LRPPRC: variants seen among roughly 807,000 people sequenced by gnomAD.
LRPPRC encodes the protein leucine-rich PPR motif-containing protein, mitochondrial.
Under a neutral mutation model 180.3 loss-of-function variants are expected in LRPPRC, and 120 were observed. The observed-to-expected ratio is 0.67, with a 90% CI of 0.57 to 0.77. The LOEUF (loss-of-function observed/expected upper bound fraction) is 0.77, where lower values mean the gene tolerates loss of function less well. Ranked by LOEUF, LRPPRC falls within the 30% of genes least tolerant of loss-of-function variation. The pLI is 0.00. For missense variants in LRPPRC, 2,012 were observed against 1,657.2 expected, an observed-to-expected ratio of 1.21 and a Z score of -3.72; for synonymous variants, 723 against 600.0, an observed-to-expected ratio of 1.21 and a Z score of -3.00.
chr2:43,969,424 AG>A (rs1375413842), intron 11 of LRPPRC, among the ~76,000 whole-genome samples: 1 of 149,750 alleles, frequency 6.7e-6, no homozygotes, highest in Non-Finnish European at 1.5e-5. Context: ...AAAAAAAAAA[AG>A]AAACCAAGTC....
rs1166980943 is a variant in LRPPRC, at chr2:43,925,943, G to A, written c.2755C>T (p.Arg919Ter). 4 of 1,609,352 alleles carry A rather than the reference G, an allele frequency of 2.5e-6. No individual in the cohort carries two copies. The highest frequency in any genetic ancestry group is 1.3e-5 in the African/African-American group (1 of 74,790). ...KIIETPGIRA[R>*]SARLQWFCDR... ...CAAAACCACTGAAGCCTTGCAGATCGAGCTCTAATCCCTGGAGTCTGTAAA... is the reference window on the plus strand; with the variant it reads ...CAAAACCACTGAAGCCTTGCAGATCAAGCTCTAATCCCTGGAGTCTGTAAA... The change falls in exon 26 of 38, where the codon CGA (arginine) becomes TGA (stop). Residue 919 changes from arginine to a stop codon, truncating the protein, a stop_gained. Coordinates refer to ENST00000260665, the MANE Select transcript of LRPPRC (RefSeq NM_133259.4). LOFTEE classifies it high-confidence loss of function.
At chr2:43,915,261 C>T (rs1243415059) in intron 29 of LRPPRC, among the ~76,000 whole-genome samples, 1 of 147,012 alleles carries the variant, frequency 6.8e-6, no homozygotes, top group African/African-American at 2.6e-5. Flanking sequence ...CACACACACA[C>T]ACACACACAC....
chr2:43,897,928 C>T (rs545124766), intron 34 of LRPPRC, among the ~76,000 whole-genome samples: 2 of 151,678 alleles, frequency 1.3e-5, no homozygotes, highest in South Asian at 4.2e-4. Context: ...GCTTATTATA[C>T]CCCTAGTAGG....
chr2:43,952,405 T>A (rs1398879914), intron 14 of LRPPRC, among the ~76,000 whole-genome samples: 1 of 152,194 alleles, frequency 6.6e-6, no homozygotes, highest in Non-Finnish European at 1.5e-5. Flanking sequence ...AAAACCAAGC[T>A]GTTGTAAGGA....
intron 25 of LRPPRC, among the ~76,000 whole-genome samples, chr2:43,930,056 A>C (rs999460538): frequency 1.2e-4 from 18 of 152,170 alleles, no homozygotes; most frequent in Non-Finnish European, 2.9e-5. Flanking sequence ...ATGGGATAAA[A>C]ATTCCTGAAT....
At chr2:43,985,496 AC>A (rs1674490981) in intron 1 of LRPPRC, among the ~76,000 whole-genome samples, 1 of 151,638 alleles carries the variant, frequency 6.6e-6, no homozygotes, top group Non-Finnish European at 1.5e-5. Flanking sequence ...CATTCCTTCC[AC>A]CCTCCTTCCG....
chr2:43,980,277 C>T (rs992069204), intron 2 of LRPPRC, among the ~76,000 whole-genome samples: 1 of 152,034 alleles, frequency 6.6e-6, no homozygotes, highest in African/African-American at 2.4e-5. Context: ...CTTATGAAAA[C>T]AGTATAAAGG....
chr2:43,896,447 CTTGT>C (rs2104983415), intron 35 of LRPPRC, 183 bp downstream of exon 35: 1 of 540,036 alleles, frequency 1.9e-6, no homozygotes, highest in East Asian at 3.3e-5. Context: ...CCTGCGTGAA[CTTGT>C]TTTACATTTC....
At chr2:43,913,960 A>C (rs1463904041) in intron 29 of LRPPRC, among the ~76,000 whole-genome samples, 1 of 152,254 alleles carries the variant, frequency 6.6e-6, no homozygotes, top group African/African-American at 2.4e-5. Context: ...TACCAGTATC[A>C]ATGCATCACA....
At chr2:43,966,413 T>G (rs1209219025) in intron 11 of LRPPRC, among the ~76,000 whole-genome samples, 1 of 121,314 alleles carries the variant, frequency 8.2e-6, no homozygotes, top group Non-Finnish European at 1.9e-5. Flanking sequence ...CTGGCCACAA[T>G]ATTTTTTTTT....
chr2:43,995,820 G>A lies in LRPPRC; in HGVS notation c.128C>T (p.Ala43Val). The A allele has an allele frequency of 7.1e-7, 1 of 1,411,396 alleles. No individual in the cohort carries two copies. Among genetic ancestry groups the A allele is most frequent in the Non-Finnish European group, 9.1e-7 (1 of 1,094,856 alleles). 87.4% of individuals were successfully genotyped at this position (1,411,396 alleles called of 1,614,324 possible). The part of the protein sequence containing the change: ...RLHAASYLPA[A>V]RAGPVAGGLL... The stretch of plus-strand genomic sequence containing the variant: ...TCACCCGGCCACGGGCCCGGCGCGA[G>A]CGGCGGGCAGATAGGAGGCGGCATG... Residue 43 changes from alanine (A) to valine (V), a missense_variant, in exon 1 of 38, where the codon GCT becomes GTT. Ala to Val is a moderately conservative substitution (Grantham distance 64). Coordinates refer to ENST00000260665, the MANE Select transcript of LRPPRC (RefSeq NM_133259.4).
chr2:43,982,237 C>A lies in LRPPRC; in HGVS notation c.346+1G>T. The A allele has an allele frequency of 6.4e-7, 1 of 1,557,878 alleles. No individual in the cohort carries two copies. The highest frequency in any genetic ancestry group is 8.7e-7 in the Non-Finnish European group (1 of 1,155,660). On this transcript the variant is annotated splice_donor_variant, in intron 2 of 37. Transcript: ENST00000260665. LOFTEE classifies it high-confidence loss of function. ...TTTATGAACAGGAAATTTTGAAATACCTGAGCGGCAGGTATCATTAAAAAC... is the reference window on the plus strand; with the variant it reads ...TTTATGAACAGGAAATTTTGAAATAACTGAGCGGCAGGTATCATTAAAAAC...
rs1321647061 is a variant in LRPPRC, at chr2:43,896,503, C to A, written c.3900+131G>T. On this transcript the variant is annotated intron_variant, in intron 35 of 37. Transcript: ENST00000260665. ...CGACAAAACTGACTCTAAGTAGAGA[C>A]AAGCAAAGTCTTGAATCTCTATAGT... 7.4e-6 allele frequency: 5 copies of A among 674,342 alleles called. No homozygotes were observed. In the African/African-American group the frequency reaches 9.2e-5, roughly 12 times the overall value. The allele number at this position is 674,342 out of a possible 1,614,324, so 41.8% of individuals were successfully genotyped here. A position where few individuals can be genotyped will look rare whatever the true frequency, so the allele number is the denominator to read the frequency against.
At chr2:43,910,325 C>G (rs891559331) in intron 30 of LRPPRC, among the ~76,000 whole-genome samples, 2 of 151,920 alleles carry the variant, frequency 1.3e-5, no homozygotes, top group Admixed American at 6.6e-5. Flanking sequence ...ACCTCTGCCA[C>G]CCAGGTTCAA....
chr2:43,931,753 T>A (rs1384950207), intron 25 of LRPPRC, among the ~76,000 whole-genome samples: 2 of 152,164 alleles, frequency 1.3e-5, no homozygotes, highest in Non-Finnish European at 2.9e-5. Flanking sequence ...CTCTTAGATC[T>A]GATAGAGAAT....
intron 14 of LRPPRC, 106 bp from the exon 15 acceptor site, chr2:43,950,706 A>C: frequency 2.5e-6 from 2 of 814,260 alleles, no homozygotes; most frequent in Non-Finnish European, 4.3e-6. Flanking sequence ...AAGTAAATAA[A>C]TGTTTGCTGT....
At chr2:43,931,312 T>C (rs956422650) in intron 25 of LRPPRC, among the ~76,000 whole-genome samples, 2 of 152,162 alleles carry the variant, frequency 1.3e-5, no homozygotes, top group African/African-American at 4.8e-5. Context: ...CTACAGAGGA[T>C]GTATCTGCAG....
In LRPPRC at chr2:43,939,395, G is replaced by T. The variant is rs1223342960; in HGVS notation, c.2504+4292C>A. ...TACTTTAAACTTATACATTGTTAGT[G>T]AAGTGGCAATTTATGTAACAGGCTT... On this transcript the variant is annotated intron_variant, in intron 23 of 37. Transcript: ENST00000260665. 3.9e-5 allele frequency among the ~76,000 whole-genome samples: 6 copies of T among 152,154 alleles called. No homozygotes were observed. The East Asian group carries it at 1.2e-3, about 29-fold the overall frequency.
chr2:43,888,794 T>A (rs1670367609), intron 37 of LRPPRC, 138 bp from the exon 38 acceptor site: 1 of 648,554 alleles, frequency 1.5e-6, no homozygotes, highest in East Asian at 2.9e-5. Context: ...CAAGCTTCAG[T>A]ACTCCTTCCT....
Sources: gnomAD v4.1 joint callset for allele counts (sites outside exome capture counted in the v4.1 genomes callset) on GRCh38, gnomAD v4.1.1 for gene constraint, MANE v1.5 for transcripts, NCBI Gene and HGNC (gene_info 2026-07-23, HGNC 2026-07-21) for gene names.